Variants in GPR176 observed in about 807,000 individuals in gnomAD.
GPR176 encodes the protein G protein-coupled receptor 176, also known as G-protein coupled receptor 176.
A neutral mutation model predicts 35.4 loss-of-function variants in GPR176; 26 were observed. The ratio of observed to expected loss-of-function variants is 0.74; its 90% CI spans 0.54 to 1.02. GPR176 has a LOEUF of 1.02. Ranked by LOEUF, GPR176 falls within the 50% of genes least tolerant of loss-of-function variation. The pLI, the probability that GPR176 is intolerant of heterozygous loss-of-function variation, is 0.00. For synonymous variants in GPR176, 278 were observed against 271.3 expected (o/e 1.02, Z -0.24); for missense variants, 597 against 665.3 (o/e 0.90, Z 1.13).
chr15:39,807,647 A>T (rs1316804153), intron 1 of GPR176: 1 of 774,450 alleles, frequency 1.3e-6, no homozygotes, highest in Admixed American at 2.0e-5. Flanking sequence ...ATACAGTGCA[A>T]ACCGCACATG....
intron 1 of GPR176, among the ~76,000 whole-genome samples, chr15:39,838,269 C>T (rs894360991): frequency 2.9e-4 from 44 of 152,060 alleles, no homozygotes; most frequent in African/African-American, 9.7e-4. Flanking sequence ...TTCTGATGCT[C>T]CCTCAAAATA....
intron 1 of GPR176, among the ~76,000 whole-genome samples, chr15:39,853,814 A>G (rs2031028277): frequency 6.6e-6 from 1 of 152,176 alleles, no homozygotes; most frequent in Non-Finnish European, 1.5e-5. Flanking sequence ...ATCTGGTCCC[A>G]GAATGTCAAT....
intron 1 of GPR176, among the ~76,000 whole-genome samples, chr15:39,843,064 G>C (rs1046339089): frequency 1.3e-5 from 2 of 152,092 alleles, no homozygotes; most frequent in Middle Eastern, 3.4e-3. Flanking sequence ...AAAGTGGTGG[G>C]GGGAGCTTTC....
chr15:39,902,255 A>C (rs1385530509), intron 1 of GPR176, among the ~76,000 whole-genome samples: 1 of 152,156 alleles, frequency 6.6e-6, no homozygotes, highest in African/African-American at 2.4e-5. Flanking sequence ...ATTTACCAGC[A>C]CTCAACCCAC....
chr15:39,855,770 T>C (rs2031175886), intron 1 of GPR176, among the ~76,000 whole-genome samples: 1 of 152,226 alleles, frequency 6.6e-6, no homozygotes, highest in Non-Finnish European at 1.5e-5. Context: ...CAAAGTGGAT[T>C]CTGCTGTTTG....
intron 1 of GPR176, among the ~76,000 whole-genome samples, chr15:39,845,846 C>T (rs148963931): frequency 3.1e-4 from 47 of 152,202 alleles, no homozygotes; most frequent in Non-Finnish European, 3.8e-4. Flanking sequence ...AGGCCTAGAC[C>T]AGTAACTGAA....
At chr15:39,868,609 T>C (rs1333474636) in intron 1 of GPR176, among the ~76,000 whole-genome samples, 1 of 152,232 alleles carries the variant, frequency 6.6e-6, no homozygotes, top group Non-Finnish European at 1.5e-5. Context: ...AGAACTACTT[T>C]GCCAAAACAC....
chr15:39,902,667 T>A (rs2033313040), intron 1 of GPR176, among the ~76,000 whole-genome samples: 1 of 152,238 alleles, frequency 6.6e-6, no homozygotes, highest in Non-Finnish European at 1.5e-5. Flanking sequence ...AACTCTGTGT[T>A]CCTGGAAATT....
chr15:39,913,320 G>A (rs896880790), intron 1 of GPR176, among the ~76,000 whole-genome samples: 7 of 152,056 alleles, frequency 4.6e-5, no homozygotes, highest in Non-Finnish European at 7.4e-5. Flanking sequence ...TGAGGTTGAC[G>A]GATTGCTTGA....
At chr15:39,832,326 A>C (rs1901140354) in intron 1 of GPR176, among the ~76,000 whole-genome samples, 1 of 152,182 alleles carries the variant, frequency 6.6e-6, no homozygotes, top group South Asian at 2.1e-4. Context: ...TCAAAAGGTT[A>C]AACATAGAGT....
At chr15:39,843,596 T>TTAC (rs2030188328) in intron 1 of GPR176, among the ~76,000 whole-genome samples, 1 of 151,712 alleles carries the variant, frequency 6.6e-6, no homozygotes, top group South Asian at 2.1e-4. Context: ...GTGTAAGAGA[T>TTAC]TACACAGGCA....
intron 1 of GPR176, among the ~76,000 whole-genome samples, chr15:39,810,359 C>T (rs919190220): frequency 1.3e-5 from 2 of 152,190 alleles, no homozygotes; most frequent in Admixed American, 1.3e-4. Context: ...AACCACAACT[C>T]TGACAGACAG....
At chr15:39,848,713 T>C (rs962955241) in intron 1 of GPR176, among the ~76,000 whole-genome samples, 7 of 152,132 alleles carry the variant, frequency 4.6e-5, no homozygotes, top group African/African-American at 1.7e-4. Flanking sequence ...TCTATATTAT[T>C]CATGCGCTGA....
chr15:39,856,617 C>T (rs903331071), intron 1 of GPR176, among the ~76,000 whole-genome samples: 1 of 152,194 alleles, frequency 6.6e-6, no homozygotes, highest in African/African-American at 2.4e-5. Flanking sequence ...TGTCTGAACA[C>T]ATGGCAGCTG....
Position 39,835,602 on chromosome 15 carries a change from T to C in GPR176, c.173-28344A>G, listed in dbSNP as rs546109431. Among the ~76,000 whole-genome samples the C allele has an allele frequency of 7.2e-5, 11 of 152,176 alleles. No homozygotes were observed. In the South Asian group the frequency reaches 2.1e-3, roughly 29 times the overall value. ...CATTCTCAGAGTCTAAGGTGGAAGC[T>C]AGAGCTCCAGCAAAATATCTGTATT... On this transcript the variant is annotated intron_variant, in intron 1 of 2. Transcript: ENST00000561100.
At chr15:39,910,017 G>T in intron 1 of GPR176, 1 of 234,306 alleles carries the variant, frequency 4.3e-6, no homozygotes, top group Non-Finnish European at 7.0e-6. Context: ...AACTAAGAAC[G>T]CTGATGAATA....
intron 1 of GPR176, among the ~76,000 whole-genome samples, chr15:39,912,780 C>T (rs985680493): frequency 6.6e-6 from 1 of 152,188 alleles, no homozygotes; most frequent in Non-Finnish European, 1.5e-5. Flanking sequence ...GGACATCCCA[C>T]AGGAAAACAT....
At chr15:39,910,190 ATAAATGTG>A (rs2033539148) in intron 1 of GPR176, among the ~76,000 whole-genome samples, 1 of 152,256 alleles carries the variant, frequency 6.6e-6, no homozygotes, top group Non-Finnish European at 1.5e-5. Context: ...GTTGTAAACT[ATAAATGTG>A]TAAATGTAAG....
intron 1 of GPR176, among the ~76,000 whole-genome samples, chr15:39,878,106 G>C (rs1040829513): frequency 1.2e-4 from 18 of 150,442 alleles, no homozygotes; most frequent in African/African-American, 4.1e-4. Flanking sequence ...CTGTGTGTGT[G>C]TGTGTGTGTG....
Sources: allele counts gnomAD v4.1 joint callset (sites outside exome capture counted in the v4.1 genomes callset), GRCh38; gene constraint gnomAD v4.1.1; transcripts MANE v1.5; gene names NCBI Gene and HGNC (gene_info 2026-07-23, HGNC 2026-07-21).